The following TAFA2 variants were observed in gnomAD, a reference collection of about 807,000 sequenced individuals.
TAFA2 encodes TAFA chemokine like family member 2, also known as chemokine-like protein TAFA-2.
TAFA2 carries 7 observed loss-of-function variants against 18.8 expected under a neutral mutation model. The observed-to-expected ratio is 0.37, with a 90% CI of 0.21 to 0.70. The LOEUF (loss-of-function observed/expected upper bound fraction) is 0.70, where lower values mean the gene tolerates loss of function less well. Among genes scored for constraint, TAFA2 ranks in the 30% least tolerant of loss-of-function variants. The probability of loss-of-function intolerance (pLI) is 0.53; values close to 1 mark genes in which losing one functional copy is unlikely to be tolerated. For synonymous variants in TAFA2, 60 were observed against 54.2 expected (o/e 1.11, Z -0.47); for missense variants, 122 against 158.1 (o/e 0.77, Z 1.23).
chr12:61,914,735 G>A (rs1876749529), intron 1 of TAFA2, among the ~76,000 whole-genome samples: 1 of 151,990 alleles, frequency 6.6e-6, no homozygotes, highest in Admixed American at 6.6e-5. Context: ...GCTGTGTTTT[G>A]TGCCAGGCAA....
chr12:62,169,350 C>T (rs770782003), intron 1 of TAFA2, among the ~76,000 whole-genome samples: 16 of 152,110 alleles, frequency 1.1e-4, no homozygotes, highest in Non-Finnish European at 1.8e-4. Flanking sequence ...CTTCAATACA[C>T]CTACGATGCC....
At chr12:61,924,160 G>A (rs1248663003) in intron 1 of TAFA2, among the ~76,000 whole-genome samples, 5 of 152,014 alleles carry the variant, frequency 3.3e-5, no homozygotes, top group South Asian at 2.1e-4. Flanking sequence ...GTTGGAAAAC[G>A]CACTTCAAGA....
chr12:61,767,328 T>G (rs1869832548), intron 2 of TAFA2, among the ~76,000 whole-genome samples: 1 of 152,106 alleles, frequency 6.6e-6, no homozygotes, highest in Non-Finnish European at 1.5e-5. Flanking sequence ...TCCAAAAATG[T>G]ATTGTACAGT....
chr12:61,782,675 T>C (rs1394344068), intron 2 of TAFA2, among the ~76,000 whole-genome samples: 2 of 151,712 alleles, frequency 1.3e-5, no homozygotes, highest in South Asian at 2.1e-4. Context: ...AGTTTGACTC[T>C]TTTCATTGAC....
chr12:62,219,159 G>T (rs1210625033), intron 1 of TAFA2, among the ~76,000 whole-genome samples: 1 of 150,622 alleles, frequency 6.6e-6, no homozygotes, highest in Non-Finnish European at 1.5e-5. Flanking sequence ...GCAAATTGAT[G>T]AATAAAAATA....
chr12:61,881,495 G>T (rs1380652110), intron 1 of TAFA2, among the ~76,000 whole-genome samples: 3 of 152,170 alleles, frequency 2.0e-5, no homozygotes, highest in Non-Finnish European at 2.9e-5. Flanking sequence ...GACCACTATT[G>T]TACGGACAGT....
intron 1 of TAFA2, among the ~76,000 whole-genome samples, chr12:62,025,846 T>A (rs192803442): frequency 2.2e-4 from 34 of 151,908 alleles, no homozygotes; most frequent in Admixed American, 1.1e-3. Context: ...CATACTAGAG[T>A]TTTTACCTAA....
At chr12:61,717,301 A>T (rs918927445) in intron 4 of TAFA2, among the ~76,000 whole-genome samples, 1 of 152,224 alleles carries the variant, frequency 6.6e-6, no homozygotes, top group Non-Finnish European at 1.5e-5. Context: ...ACGCATGAGC[A>T]AGCTGACCAG....
chr12:62,232,396 G>T (rs1359593229), intron 1 of TAFA2, among the ~76,000 whole-genome samples: 1 of 152,138 alleles, frequency 6.6e-6, no homozygotes, highest in Non-Finnish European at 1.5e-5. Context: ...TCTCCATCTT[G>T]AATCTATCTC....
intron 1 of TAFA2, among the ~76,000 whole-genome samples, chr12:62,019,082 C>G (rs1206256212): frequency 1.3e-5 from 2 of 152,296 alleles, no homozygotes; most frequent in South Asian, 4.1e-4. Flanking sequence ...AATTGCTCAT[C>G]ATCACTGGCC....
At chr12:61,766,470 C>T (rs995573682) in intron 2 of TAFA2, among the ~76,000 whole-genome samples, 4 of 152,116 alleles carry the variant, frequency 2.6e-5, no homozygotes, top group African/African-American at 7.2e-5. Context: ...AGATTTAGAG[C>T]ATCACATCCT....
At chr12:62,106,692 T>A (rs1322957613) in intron 1 of TAFA2, among the ~76,000 whole-genome samples, 1 of 152,208 alleles carries the variant, frequency 6.6e-6, no homozygotes, top group African/African-American at 2.4e-5. Context: ...CCCTTTAATT[T>A]ACATGAAAAG....
chr12:62,133,500 G>GA (rs34342313), intron 1 of TAFA2, among the ~76,000 whole-genome samples: 5 of 150,672 alleles, frequency 3.3e-5, no homozygotes, highest in Non-Finnish European at 5.9e-5. Context: ...AAGAAGGGTA[G>GA]AAAAAAAAAT....
chr12:61,736,250 C>G (rs1038413959), intron 4 of TAFA2, among the ~76,000 whole-genome samples: 2 of 151,994 alleles, frequency 1.3e-5, no homozygotes, highest in Non-Finnish European at 2.9e-5. Flanking sequence ...TTCATCCTTC[C>G]TAAATTCTGG....
At chr12:62,099,656 T>G (rs1869102279) in intron 1 of TAFA2, among the ~76,000 whole-genome samples, 2 of 152,164 alleles carry the variant, frequency 1.3e-5, no homozygotes. Context: ...TAAATAAATT[T>G]TGCCAAGCAT....
intron 1 of TAFA2, among the ~76,000 whole-genome samples, chr12:61,907,499 A>T (rs779554240): frequency 5.9e-5 from 9 of 152,206 alleles, no homozygotes; most frequent in Non-Finnish European, 1.3e-4. Flanking sequence ...CAGAAGATGT[A>T]TGGAAATGCC....
chr12:62,147,724 T>C lies in TAFA2; in HGVS notation c.-2+43535A>G, dbSNP rs1354885939. On this transcript the variant is annotated intron_variant, in intron 1 of 4. Transcript: ENST00000416284. ...CAGCCTGGGCAACAGAGCAAGACTC[T>C]GTCTCAAAAAAAAAAAAAAAAAAAA... is the stretch of plus-strand genomic sequence containing the variant. 4.8e-5 allele frequency among the ~76,000 whole-genome samples: 4 copies of C among 82,656 alleles called. 1 individual carries two copies. In the South Asian group the frequency reaches 1.7e-3, roughly 34 times the overall value. 54.2% of individuals were successfully genotyped at this position (82,656 alleles called of 152,430 possible).
In TAFA2 at chr12:62,216,060, C is replaced by T. The variant is rs192368508; in HGVS notation, c.-130+42703G>A. ...AGCCATTTTCTCAACTAAGAAAATA[C>T]CCAAATGTTTCAAGGACTTTTGGAC... On this transcript the variant is annotated intron_variant, in intron 1 of 5. Transcript: ENST00000551619. Among the ~76,000 whole-genome samples, 5 of 152,246 alleles carry T rather than the reference C, an allele frequency of 3.3e-5. No homozygotes were observed. The East Asian group carries it at 9.7e-4, about 29-fold the overall frequency.
chr12:62,102,816 A>G (rs1044714559), intron 1 of TAFA2, among the ~76,000 whole-genome samples: 29 of 152,320 alleles, frequency 1.9e-4, no homozygotes, highest in African/African-American at 6.3e-4. Flanking sequence ...GGTAAATCAT[A>G]TATCTACCAT....
Sources: gnomAD v4.1 joint callset for allele counts (sites outside exome capture counted in the v4.1 genomes callset) on GRCh38, gnomAD v4.1.1 for gene constraint, MANE v1.5 for transcripts, NCBI Gene and HGNC (gene_info 2026-07-23, HGNC 2026-07-21) for gene names.